Variants in SCAND3 observed in about 807,000 individuals in gnomAD.
SCAND3 encodes the protein SCAN domain containing 3.
chr6:28,585,244 A>G, the SCAND3 span: 1 of 152,210 alleles, frequency 6.6e-6, no homozygotes, highest in South Asian at 2.1e-4. Context: ...TATACTCACT[A>G]GCAGAAATTT....
the SCAND3 span, among the ~76,000 whole-genome samples, chr6:28,598,409 C>A: frequency 3.3e-5 from 5 of 152,170 alleles, no homozygotes; most frequent in South Asian, 1.0e-3. Context: ...CCTTTGAAAT[C>A]TTTACTTCTC....
chr6:28,583,955 G>T, the SCAND3 span, among the ~76,000 whole-genome samples: 3 of 152,184 alleles, frequency 2.0e-5, no homozygotes, highest in Non-Finnish European at 4.4e-5. Flanking sequence ...TACAGCTTGG[G>T]TTGGTTTTGG....
the SCAND3 span, chr6:28,575,877 A>T: frequency 6.2e-6 from 10 of 1,614,090 alleles, no homozygotes; most frequent in Non-Finnish European, 8.5e-6. The surrounding 1 kb of genome is among the most constrained non-coding windows in gnomAD (Gnocchi z 4.2). Flanking sequence ...GGATAACATC[A>T]AATCTAGCCA....
At chr6:28,614,241 G>A in the SCAND3 span, among the ~76,000 whole-genome samples, 4 of 152,230 alleles carry the variant, frequency 2.6e-5, no homozygotes, top group South Asian at 6.2e-4. Context: ...TGGGATTACA[G>A]GCGTGAGCCA....
At chr6:28,588,661 CATT>C in the SCAND3 span, among the ~76,000 whole-genome samples, 2 of 152,146 alleles carry the variant, frequency 1.3e-5, no homozygotes, top group Non-Finnish European at 2.9e-5. This position sits in a 1 kb window ranked among gnomAD's most constrained non-coding sequence, Gnocchi z 4.1. Context: ...AATTATAACT[CATT>C]ATAATTTGCA....
the SCAND3 span, among the ~76,000 whole-genome samples, chr6:28,584,204 A>C: frequency 6.6e-6 from 1 of 152,200 alleles, no homozygotes; most frequent in Non-Finnish European, 1.5e-5. Context: ...TAAAGATTGC[A>C]ATCACACCAT....
At chr6:28,589,424 A>G in the SCAND3 span, 58 of 151,854 alleles carry the variant, frequency 3.8e-4, no homozygotes, top group African/African-American at 1.2e-3. Flanking sequence ...GAATCCAGCA[A>G]TCCGAGTTCG....
chr6:28,602,522 T>C, the SCAND3 span, among the ~76,000 whole-genome samples: 1 of 152,170 alleles, frequency 6.6e-6, no homozygotes, highest in African/African-American at 2.4e-5. Context: ...TTTGCCTAAA[T>C]CTTCCTAATA....
the SCAND3 span, among the ~76,000 whole-genome samples, chr6:28,574,282 C>T: frequency 2.6e-5 from 4 of 152,086 alleles, no homozygotes; most frequent in East Asian, 1.9e-4. Flanking sequence ...TCACATGTTG[C>T]GTACCACTAG....
the SCAND3 span, chr6:28,589,365 G>A: frequency 5.9e-5 from 9 of 152,094 alleles, no homozygotes; most frequent in East Asian, 9.7e-4. Flanking sequence ...CTTACCTACT[G>A]TACCCTTGTG....
the SCAND3 span, among the ~76,000 whole-genome samples, chr6:28,614,015 G>A: frequency 1.3e-5 from 2 of 151,388 alleles, no homozygotes; most frequent in South Asian, 2.1e-4. Context: ...CCAGGATGGA[G>A]CGCAATGGCG....
At chr6:28,576,214 A>G in the SCAND3 span, 1 of 1,149,960 alleles carries the variant, frequency 8.7e-7, no homozygotes. Flanking sequence ...AGGAGCCAGT[A>G]GTGCTTGAGG....
the SCAND3 span, chr6:28,594,146 T>C: frequency 6.6e-6 from 1 of 152,090 alleles, no homozygotes; most frequent in African/African-American, 2.4e-5. Context: ...TTGGTGAAAA[T>C]GTAAAGTAGT....
At chr6:28,603,295 AT>A in the SCAND3 span, among the ~76,000 whole-genome samples, 1 of 152,172 alleles carries the variant, frequency 6.6e-6, no homozygotes, top group Non-Finnish European at 1.5e-5. Flanking sequence ...ACACTTTCTC[AT>A]TCTTAAAGTT....
chr6:28,608,321 C>A, the SCAND3 span, among the ~76,000 whole-genome samples: 1 of 152,152 alleles, frequency 6.6e-6, no homozygotes, highest in African/African-American at 2.4e-5. Context: ...GAGGTCTGAG[C>A]CTTTTGCAGC....
At chr6:28,590,833 C>T in the SCAND3 span, 1 of 152,132 alleles carries the variant, frequency 6.6e-6, no homozygotes, top group African/African-American at 2.4e-5. Context: ...TTTTGGCTCC[C>T]GTTATGTGTG....
chr6:28,571,783 C>A, the SCAND3 span: 1 of 1,213,144 alleles, frequency 8.2e-7, no homozygotes, highest in South Asian at 1.8e-5. Context: ...TGCTGTTTCA[C>A]TCATAACTTC....
the SCAND3 span, among the ~76,000 whole-genome samples, chr6:28,605,679 A>AT: frequency 4.0e-4 from 6 of 15,022 alleles, no homozygotes; most frequent in African/African-American, 6.5e-4. Context: ...TAAAAAATAC[A>AT]AAAAAAAAAA....
chr6:28,589,364 T>G, the SCAND3 span: 1 of 152,110 alleles, frequency 6.6e-6, no homozygotes, highest in South Asian at 2.1e-4. Context: ...ACTTACCTAC[T>G]GTACCCTTGT....
Sources: allele counts gnomAD v4.1 joint callset (sites outside exome capture counted in the v4.1 genomes callset), GRCh38; gene constraint gnomAD v4.1.1; non-coding constraint Gnocchi (gnomAD v3.1); transcripts MANE v1.5; gene names NCBI Gene and HGNC (gene_info 2026-07-23, HGNC 2026-07-21).